The following RBSN variants were observed in gnomAD, a reference collection of about 807,000 sequenced individuals.
RBSN encodes rabenosyn, RAB effector, also known as rabenosyn-5.
RBSN carries 34 observed loss-of-function variants against 60.5 expected under a neutral mutation model. The ratio of observed to expected loss-of-function variants is 0.56; its 90% CI spans 0.43 to 0.75. The LOEUF is 0.75. Ranked by LOEUF, RBSN falls within the 30% of genes least tolerant of loss-of-function variation. The pLI is 0.00. For synonymous variants in RBSN, 322 were observed against 366.9 expected, an observed-to-expected ratio of 0.88 and a Z score of 1.40; for missense variants, 845 against 986.8, an observed-to-expected ratio of 0.86 and a Z score of 1.92.
rs761702549 is a variant in RBSN, at chr3:15,096,022, G to A, written c.99C>T (p.Tyr33=). Residue 33 remains tyrosine (Y), a synonymous_variant, in exon 4 of 14, where the codon TAC becomes TAT. Transcript: ENST00000253699. ...GGTCTTCCCCTGAGTGTTCTTCCTC[G>A]TAATGTGAGTGAAGCTGATAGAAAG... ...LQSFYQLHSH[Y]EEEHSGEDRD... is the part of the protein sequence containing the mutation. The A allele has an allele frequency of 1.2e-5, 20 of 1,613,984 alleles. No individual in the cohort carries two copies. The Middle Eastern group carries it at 9.9e-4, about 80-fold the overall frequency.
At chr3:15,078,029 C>T in intron 11 of RBSN, 46 bp downstream of exon 11, 1 of 1,528,222 alleles carries the variant, frequency 6.5e-7, no homozygotes, top group Non-Finnish European at 9.1e-7. Flanking sequence ...AGAACAGCAT[C>T]TTCTCCATTC....
chr3:15,092,105 C>A (rs1381503057), intron 4 of RBSN, among the ~76,000 whole-genome samples: 3 of 152,036 alleles, frequency 2.0e-5, no homozygotes, highest in African/African-American at 4.8e-5. Context: ...CAGCCTTGAT[C>A]TCTTGGGCTC....
chr3:15,085,131 A>G (rs2043306060), intron 6 of RBSN, 86 bp from the exon 7 acceptor site: 10 of 1,478,102 alleles, frequency 6.8e-6, no homozygotes, highest in African/African-American at 1.4e-5. Flanking sequence ...GTGGGAAATT[A>G]GCACATTTGC....
chr3:15,080,647 T>C, intron 10 of RBSN, 85 bp downstream of exon 10: 3 of 1,373,680 alleles, frequency 2.2e-6, no homozygotes, highest in Non-Finnish European at 2.0e-6. Flanking sequence ...AAGTTAAGAT[T>C]TTCATTTTTG....
In RBSN at chr3:15,089,479, A is replaced by AAAAAAAAAAAAAAAAC. The variant is rs2043447184; in HGVS notation, c.289+919_289+920insGTTTTTTTTTTTTTTT. Among the ~76,000 whole-genome samples the AAAAAAAAAAAAAAAAC allele has an allele frequency of 1.4e-3, 146 of 103,996 alleles. 6 individuals are homozygous for AAAAAAAAAAAAAAAAC. The highest frequency in any genetic ancestry group is 2.7e-3 in the African/African-American group (41 of 15,046). The allele number at this position is 103,996 out of a possible 152,430, so 68.2% of individuals were successfully genotyped here. A position where few individuals can be genotyped will look rare whatever the true frequency, so the allele number is the denominator to read the frequency against. On this transcript the variant is annotated intron_variant, in intron 5 of 13. Coordinates refer to ENST00000253699, the MANE Select transcript of RBSN (RefSeq NM_022340.4). ...TCCAAAAAAAAAAAAAAAAAAAAAC[A>AAAAAAAAAAAAAAAAC]AAAAAAAAAAACAGATATGTAAGAT... is the stretch of plus-strand genomic sequence containing the variant.
Position 15,074,317 on chromosome 3 carries a change from C to A in RBSN, c.1820G>T (p.Gly607Val). The A allele has an allele frequency of 6.2e-7, 1 of 1,614,090 alleles. No individual in the cohort carries two copies. Among genetic ancestry groups the A allele is most frequent in the Non-Finnish European group, 8.5e-7 (1 of 1,180,020 alleles). The change falls in exon 14 of 14, where the codon GGC (glycine) becomes GTC (valine). Residue 607 changes from glycine (G) to valine (V), a missense_variant. Coordinates refer to ENST00000253699, the MANE Select transcript of RBSN (RefSeq NM_022340.4). This position sits in a 1 kb window ranked among gnomAD's most constrained non-coding sequence, Gnocchi z 6.4. ...GCTGCTCTGGGGTAAGCGCTCCTGG[C>A]CAACGGCTGGGGGCCCAGACCACAC... ...TRVWSGPPAVGQERLPQSSMP... is the reference protein window; with the variant it reads ...TRVWSGPPAVVQERLPQSSMP...
At chr3:15,089,701 C>T (rs903586273) in intron 5 of RBSN, among the ~76,000 whole-genome samples, 1 of 151,612 alleles carries the variant, frequency 6.6e-6, no homozygotes, top group Non-Finnish European at 1.5e-5. Flanking sequence ...AGCTCTGCTT[C>T]CTGGGTTCAC....
At chr3:15,093,639 C>T (rs1163953562) in intron 4 of RBSN, among the ~76,000 whole-genome samples, 2 of 152,312 alleles carry the variant, frequency 1.3e-5, no homozygotes, top group East Asian at 3.9e-4. Context: ...ATCCTCCTGC[C>T]TTGGCCTCCC....
intron 5 of RBSN, among the ~76,000 whole-genome samples, chr3:15,087,875 C>T (rs1004775193): frequency 2.0e-4 from 30 of 152,344 alleles, no homozygotes; most frequent in Non-Finnish European, 4.0e-4. Flanking sequence ...CCTGCCTTGG[C>T]CTCCCAAAGT....
Position 15,082,366 on chromosome 3 carries a change from C to T in RBSN, c.840+1G>A. 1 of 1,611,498 alleles carries T rather than the reference C, an allele frequency of 6.2e-7. No individual in the cohort carries two copies. Among genetic ancestry groups the T allele is most frequent in the Non-Finnish European group, 8.5e-7 (1 of 1,177,716 alleles). On this transcript the variant is annotated splice_donor_variant, in intron 9 of 13. Transcript: ENST00000253699. LOFTEE classifies it high-confidence loss of function. This position sits in a 1 kb window ranked among gnomAD's most constrained non-coding sequence, Gnocchi z 4.2. ...ACCCAAGACCAGACAGCGCGAATCA[C>T]CTCGTAGAGCTTCACGATGTCAGGT...
At position 15,082,673 on chromosome 3, in the gene RBSN, T is replaced by G; in HGVS notation, c.599-65A>C. 1 of 1,568,716 alleles carries G rather than the reference T, an allele frequency of 6.4e-7. No individual in the cohort carries two copies. Among genetic ancestry groups the G allele is most frequent in the Non-Finnish European group, 8.7e-7 (1 of 1,154,604 alleles). ...GCATCCAATTACCATACCCACGACC[T>G]CAAGGTGTCAGTCCACAGGTGTTTG... is the stretch of plus-strand genomic sequence containing the variant. On this transcript the variant is annotated intron_variant, in intron 8 of 13. Transcript: ENST00000253699. This position sits in a 1 kb window ranked among gnomAD's most constrained non-coding sequence, Gnocchi z 4.2.
Position 15,094,222 on chromosome 3 carries a change from C to G in RBSN, c.148+1751G>C, listed in dbSNP as rs190693321. ...TGTATAGGACTTAGTTCAGCTGACA[C>G]CAAGACTGGAAGCTAGTTGAAAATG... On this transcript the variant is annotated intron_variant, in intron 4 of 13. Coordinates refer to ENST00000253699, the MANE Select transcript of RBSN (RefSeq NM_022340.4). 6.6e-5 allele frequency among the ~76,000 whole-genome samples: 10 copies of G among 152,298 alleles called. No individual in the cohort carries two copies. The East Asian group carries it at 1.9e-3, about 29-fold the overall frequency.
At chr3:15,092,861 C>T (rs1219732647) in intron 4 of RBSN, among the ~76,000 whole-genome samples, 1 of 152,140 alleles carries the variant, frequency 6.6e-6, no homozygotes, top group African/African-American at 2.4e-5. Flanking sequence ...TACCATTTAA[C>T]CACTTTTAGG....
chr3:15,073,917 CAGG>C lies in RBSN; in HGVS notation c.2217_2219del (p.Leu740del), dbSNP rs755365813. The C allele has an allele frequency of 6.2e-7, 1 of 1,614,142 alleles. No individual in the cohort carries two copies. ...ATGCCTTGATGTTATCGATCTGCTG[CAGG>C]AGGAGCTCTTCCTCTATGGGCTCCT... On this transcript the variant is annotated inframe_deletion, in exon 14 of 14. Coordinates refer to ENST00000253699, the MANE Select transcript of RBSN (RefSeq NM_022340.4).
chr3:15,076,036 G>A (rs1017283173), intron 12 of RBSN, among the ~76,000 whole-genome samples: 1 of 151,914 alleles, frequency 6.6e-6, no homozygotes, highest in Admixed American at 6.6e-5. Flanking sequence ...CTTCCCTGCT[G>A]TAAGTTTCTC....
rs965062389 is a variant in RBSN at position 15,077,765 on chromosome 3, T to G, written c.998+310A>C. Among the ~76,000 whole-genome samples the G allele has an allele frequency of 3.3e-5, 5 of 152,246 alleles. No homozygotes were observed. The highest frequency in any genetic ancestry group is 1.2e-4 in the African/African-American group (5 of 41,464). ...CCTCACCTTTGACACAGGATGTTAA[T>G]CCCTACCTCACAGGGTAACTTCAGT... On this transcript the variant is annotated intron_variant, in intron 11 of 13. Coordinates refer to ENST00000253699, the MANE Select transcript of RBSN (RefSeq NM_022340.4). The surrounding 1 kb of genome is among the most constrained non-coding windows in gnomAD (Gnocchi z 4.4).
At position 15,091,210 on chromosome 3, in the gene RBSN, C is replaced by CAAAA. The variant is rs55655564; in HGVS notation, c.149-675_149-672dup. The CAAAA allele has an allele frequency of 4.1e-3, 480 of 115,700 alleles. 21 individuals carry two copies. The highest frequency in any genetic ancestry group is 6.9e-3 in the African/African-American group (100 of 14,542). 7.2% of individuals were successfully genotyped at this position (115,700 alleles called of 1,614,324 possible). On this transcript the variant is annotated intron_variant, in intron 4 of 13. Coordinates refer to ENST00000253699, the MANE Select transcript of RBSN (RefSeq NM_022340.4). ...GGACAACCAGAATGAGACCCTGTCT[C>CAAAA]AAAAAAAAAAAAAAAAAAAAAAAAA... is the stretch of plus-strand genomic sequence containing the variant.
chr3:15,074,814 C>G lies in RBSN; in HGVS notation c.1323G>C (p.Glu441Asp). ...RRGPAPLRKAEGWLPLSGGQG... is the reference protein window; with the variant it reads ...RRGPAPLRKADGWLPLSGGQG... ...GACCTCCTGACAGTGGGAGCCAGCC[C>G]TCAGCCTTTCTCAAGGGGGCAGGGC... is the stretch of plus-strand genomic sequence containing the variant. Residue 441 changes from glutamate to aspartate, a missense_variant, in exon 14 of 14, where the codon GAG (glutamate) becomes GAC (aspartate). Physicochemically the swap from Glu to Asp is conservative, Grantham distance 45. Transcript: ENST00000253699. This position sits in a 1 kb window ranked among gnomAD's most constrained non-coding sequence, Gnocchi z 6.4. 6.2e-7 allele frequency: 1 copy of G among 1,614,232 alleles called. No individual in the cohort carries two copies. The highest frequency in any genetic ancestry group is 8.5e-7 in the Non-Finnish European group (1 of 1,180,052).
chr3:15,098,160 C>A lies in RBSN; in HGVS notation c.-386G>T, dbSNP rs546466103. The stretch of plus-strand genomic sequence containing the variant: ...GACTTCTCCTTCACAGCACTCATCT[C>A]AATTTATAACCGCAGGTACATACGT... On this transcript the variant is annotated 5_prime_UTR_variant, in exon 2 of 14. Transcript: ENST00000253699. 4.1e-3 allele frequency: 627 copies of A among 152,388 alleles called. 5 individuals carry two copies. Among genetic ancestry groups the A allele is most frequent in the Non-Finnish European group, 5.8e-3 (394 of 68,070 alleles). 9.4% of individuals were successfully genotyped at this position (152,388 alleles called of 1,614,324 possible). A position where few individuals can be genotyped will look rare whatever the true frequency, so the allele number is the denominator to read the frequency against.
Sources: allele counts gnomAD v4.1 joint callset (sites outside exome capture counted in the v4.1 genomes callset), GRCh38; gene constraint gnomAD v4.1.1; non-coding constraint Gnocchi (gnomAD v3.1); transcripts MANE v1.5; gene names NCBI Gene and HGNC (gene_info 2026-07-23, HGNC 2026-07-21).